TANC1: variants seen among roughly 807,000 people sequenced by gnomAD.
TANC1 encodes the protein protein TANC1.
Under a neutral mutation model 149.7 loss-of-function variants are expected in TANC1, and 77 were observed. That is an observed-to-expected ratio of 0.51 (90% CI 0.43 to 0.62). The LOEUF (loss-of-function observed/expected upper bound fraction) is 0.62, where lower values mean the gene tolerates loss of function less well. Ranked by LOEUF, TANC1 falls within the 20% of genes least tolerant of loss-of-function variation. The pLI is 0.00. For missense variants in TANC1, 1,985 were observed against 2,321.8 expected (o/e 0.85, Z 2.98); for synonymous variants, 854 against 925.0 (o/e 0.92, Z 1.39).
At position 158,990,378 on chromosome 2, in the gene TANC1, A is replaced by G. The variant is rs953609561; in HGVS notation, c.-125-10702A>G. 3.9e-5 allele frequency among the ~76,000 whole-genome samples: 6 copies of G among 152,318 alleles called. No individual in the cohort carries two copies. The South Asian group carries it at 6.2e-4, about 16-fold the overall frequency. On this transcript the variant is annotated intron_variant, in intron 1 of 26. Coordinates refer to ENST00000263635, the MANE Select transcript of TANC1 (RefSeq NM_033394.3). ...ATTGTATCAAACTGTAGGCAGTTTGATGAATAAGATGTGGTTTCTATCCTG... is the reference window on the plus strand; with the variant it reads ...ATTGTATCAAACTGTAGGCAGTTTGGTGAATAAGATGTGGTTTCTATCCTG...
At chr2:159,046,633 T>C (rs1177304661) in intron 2 of TANC1, among the ~76,000 whole-genome samples, 1 of 140,700 alleles carries the variant, frequency 7.1e-6, no homozygotes, top group Non-Finnish European at 1.5e-5. Flanking sequence ...AGGGTCTAGC[T>C]TTGTCACCCA....
At chr2:159,019,977 G>A (rs1342507730) in intron 2 of TANC1, among the ~76,000 whole-genome samples, 1 of 152,074 alleles carries the variant, frequency 6.6e-6, no homozygotes, top group Non-Finnish European at 1.5e-5. Flanking sequence ...GCGCTGCCAA[G>A]AGTTCACAGA....
In TANC1 at chr2:159,003,919, G is replaced by A. The variant is rs1574061909; in HGVS notation, c.-16+2730G>A. 9.3e-6 allele frequency: 15 copies of A among 1,612,808 alleles called. No homozygotes were observed. In the East Asian group the frequency reaches 3.3e-4, roughly 36 times the overall value. ...GCAAGGATACAGCTCGCAGAAAGAA[G>A]AAGGTGGTACATAGAACAGCCACAG... On this transcript the variant is annotated intron_variant, in intron 2 of 26. Coordinates refer to ENST00000263635, the MANE Select transcript of TANC1 (RefSeq NM_033394.3).
intron 5 of TANC1, among the ~76,000 whole-genome samples, chr2:159,137,619 T>C (rs1207071157): frequency 6.6e-6 from 1 of 152,206 alleles, no homozygotes; most frequent in Non-Finnish European, 1.5e-5. Context: ...CTCTCTTGAT[T>C]GTGCGTTCAC....
chr2:159,128,546 C>T (rs1468889716), intron 4 of TANC1, among the ~76,000 whole-genome samples: 1 of 152,190 alleles, frequency 6.6e-6, no homozygotes, highest in Admixed American at 6.5e-5. Flanking sequence ...TCTCCTTCCC[C>T]CAAGGTGAAT....
At chr2:159,060,301 G>T (rs1046861105) in intron 2 of TANC1, among the ~76,000 whole-genome samples, 1 of 152,164 alleles carries the variant, frequency 6.6e-6, no homozygotes, top group African/African-American at 2.4e-5. Context: ...AGAGAATTTT[G>T]CTTTGAGGCC....
rs537850742 is a variant in TANC1 at position 159,104,433 on chromosome 2, A to G, written c.259+6599A>G. On this transcript the variant is annotated intron_variant, in intron 4 of 26. Transcript: ENST00000263635. ...AATGCATATGAAGTATGGTCTGGAC[A>G]TTGGGATTTTTAAAAAGGCTTCCTC... Among the ~76,000 whole-genome samples the G allele has an allele frequency of 5.2e-5, 5 of 96,370 alleles. 1 individual carries two copies. The highest frequency in any genetic ancestry group is 1.4e-4 in the African/African-American group (5 of 34,898). 63.2% of individuals were successfully genotyped at this position (96,370 alleles called of 152,430 possible).
At chr2:159,196,127 C>T (rs914083882) in intron 17 of TANC1, among the ~76,000 whole-genome samples, 1 of 152,232 alleles carries the variant, frequency 6.6e-6, no homozygotes, top group African/African-American at 2.4e-5. Flanking sequence ...GACTCCTTTC[C>T]TGCCCTTCCA....
chr2:159,215,276 C>T (rs1332950958), intron 19 of TANC1, among the ~76,000 whole-genome samples: 2 of 152,204 alleles, frequency 1.3e-5, no homozygotes, highest in Non-Finnish European at 2.9e-5. Flanking sequence ...ATGTGGCTAC[C>T]TCTCTGTGAC....
chr2:159,221,683 T>C (rs1350390402), intron 22 of TANC1, among the ~76,000 whole-genome samples: 1 of 152,246 alleles, frequency 6.6e-6, no homozygotes, highest in Middle Eastern at 3.2e-3. Context: ...TTTTAAAGCC[T>C]GCATAGTATT....
At chr2:159,207,388 AG>A (rs967887389) in intron 19 of TANC1, among the ~76,000 whole-genome samples, 1 of 152,194 alleles carries the variant, frequency 6.6e-6, no homozygotes, top group Non-Finnish European at 1.5e-5. Flanking sequence ...GACTTCCTGG[AG>A]GCAGCATTGT....
intron 2 of TANC1, among the ~76,000 whole-genome samples, chr2:159,003,598 G>A (rs554318418): frequency 6.6e-6 from 1 of 152,328 alleles, no homozygotes; most frequent in Non-Finnish European, 1.5e-5. Context: ...TAAAGTGGAA[G>A]TCACAGAAAA....
chr2:159,195,100 C>G (rs1323240597), intron 17 of TANC1, among the ~76,000 whole-genome samples: 1 of 152,126 alleles, frequency 6.6e-6, no homozygotes, highest in Non-Finnish European at 1.5e-5. Flanking sequence ...GTATGTATTG[C>G]TATACAAGTT....
At chr2:159,003,838 C>G (rs2036861707) in intron 2 of TANC1, 1 of 1,605,714 alleles carries the variant, frequency 6.2e-7, no homozygotes, top group Admixed American at 1.7e-5. Context: ...TCAGATTTAC[C>G]AACAGCATGA....
intron 2 of TANC1, chr2:159,004,163 T>G: frequency 6.2e-7 from 1 of 1,612,336 alleles, no homozygotes; most frequent in Non-Finnish European, 8.5e-7. Context: ...GTCAGCTTGG[T>G]GCTGACAGTT....
chr2:159,213,084 G>A (rs2059107561), intron 19 of TANC1, among the ~76,000 whole-genome samples: 1 of 152,066 alleles, frequency 6.6e-6, no homozygotes. Context: ...TTCTCTTCTT[G>A]GTAATAGAAA....
chr2:159,037,799 G>A (rs1319012307), intron 2 of TANC1, among the ~76,000 whole-genome samples: 3 of 152,152 alleles, frequency 2.0e-5, no homozygotes, highest in Non-Finnish European at 4.4e-5. Flanking sequence ...GATTCCTCCA[G>A]CTTTGTTCTT....
intron 7 of TANC1, among the ~76,000 whole-genome samples, chr2:159,151,787 T>C (rs1236589411): frequency 6.6e-6 from 1 of 152,214 alleles, no homozygotes; most frequent in Non-Finnish European, 1.5e-5. Context: ...TAATTTTCAA[T>C]TGAATCAGAA....
intron 2 of TANC1, among the ~76,000 whole-genome samples, chr2:159,021,315 T>C (rs903977078): frequency 2.6e-5 from 4 of 152,210 alleles, no homozygotes; most frequent in African/African-American, 9.6e-5. Flanking sequence ...TCAGTGGTTT[T>C]AAGATCAGTT....
Sources: allele counts gnomAD v4.1 joint callset (sites outside exome capture counted in the v4.1 genomes callset), GRCh38; gene constraint gnomAD v4.1.1; transcripts MANE v1.5; gene names NCBI Gene and HGNC (gene_info 2026-07-23, HGNC 2026-07-21).